PGPEP1L: variants seen among roughly 807,000 people sequenced by gnomAD.
The protein encoded by PGPEP1L is pyroglutamyl-peptidase 1-like protein.
In PGPEP1L, 7 loss-of-function variants were observed where a neutral mutation model predicts 6.0. The observed-to-expected ratio is 1.17, with a 90% confidence interval of 0.66 to 2.19. The LOEUF is 2.19. Among genes scored for constraint, PGPEP1L ranks in the 30% most tolerant of loss-of-function variants. The pLI is 0.00. For synonymous variants in PGPEP1L, 103 were observed against 83.9 expected (o/e 1.23, Z -1.24); for missense variants, 209 against 192.5 (o/e 1.09, Z -0.51).
intron 2 of PGPEP1L, among the ~76,000 whole-genome samples, chr15:99,000,156 C>G (rs1287477711): frequency 2.0e-5 from 3 of 152,250 alleles, no homozygotes; most frequent in Non-Finnish European, 4.4e-5. Context: ...GCCGGCCAGC[C>G]CCGCCGGCCC....
At chr15:98,972,084 G>T (rs1437012799) in intron 2 of PGPEP1L, among the ~76,000 whole-genome samples, 1 of 152,196 alleles carries the variant, frequency 6.6e-6, no homozygotes, top group Admixed American at 6.5e-5. Flanking sequence ...CAGGCATGGT[G>T]GTTCACACCT....
intron 3 of PGPEP1L, 104 bp downstream of exon 3, chr15:98,970,932 G>A (rs1365623798): frequency 1.8e-5 from 27 of 1,506,800 alleles, no homozygotes; most frequent in Admixed American, 1.6e-4. Flanking sequence ...GCCTGGGGAC[G>A]GGGTGCCCCT....
chr15:99,000,269 C>T lies in PGPEP1L; in HGVS notation c.-142+5160G>A, dbSNP rs189142691. The stretch of plus-strand genomic sequence containing the variant: ...CGGGCAGGGCTCAGGACCTGCAGCC[C>T]GCCATGCCGGAGCTCCCCCTCCTCC... On this transcript the variant is annotated intron_variant, in intron 2 of 4. Transcript: ENST00000535714. Among the ~76,000 whole-genome samples, 224 of 152,332 alleles carry T rather than the reference C, an allele frequency of 1.5e-3. 1 individual carries two copies. Among genetic ancestry groups the T allele is most frequent in the African/African-American group, 4.9e-3 (205 of 41,590 alleles).
intron 2 of PGPEP1L, among the ~76,000 whole-genome samples, chr15:98,996,625 ATG>A (rs1555472524): frequency 4.5e-5 from 1 of 22,126 alleles, no homozygotes; most frequent in South Asian, 1.4e-3. Flanking sequence ...GCCTGCGTGT[ATG>A]TGTGTTGTGT....
intron 2 of PGPEP1L, among the ~76,000 whole-genome samples, chr15:98,975,460 C>G (rs1002194529): frequency 6.6e-6 from 1 of 152,098 alleles, no homozygotes; most frequent in Non-Finnish European, 1.5e-5. Flanking sequence ...CAAAATAGCT[C>G]GAAGAGATTT....
chr15:98,996,774 A>G (rs2151764782), intron 2 of PGPEP1L, among the ~76,000 whole-genome samples: 1 of 152,134 alleles, frequency 6.6e-6, no homozygotes, highest in South Asian at 2.1e-4. Flanking sequence ...TATCTTACCT[A>G]GTGATATCTA....
chr15:98,976,096 A>T (rs1490713934), intron 2 of PGPEP1L, among the ~76,000 whole-genome samples: 1 of 152,156 alleles, frequency 6.6e-6, no homozygotes, highest in Non-Finnish European at 1.5e-5. Flanking sequence ...TTGTTAATGA[A>T]CACAGAGTGT....
At chr15:98,993,935 A>T (rs2654970) in intron 2 of PGPEP1L, among the ~76,000 whole-genome samples, 1 of 151,978 alleles carries the variant, frequency 6.6e-6, no homozygotes, top group Non-Finnish European at 1.5e-5. Flanking sequence ...TCTAAAGCTG[A>T]TATCTGGATG....
intron 4 of PGPEP1L, 135 bp downstream of exon 4, chr15:98,969,290 G>A (rs2017453556): frequency 1.9e-6 from 2 of 1,077,338 alleles, no homozygotes; most frequent in Admixed American, 2.0e-5. Flanking sequence ...AGCAAAGAGG[G>A]GCAATCTGGG....
At chr15:99,002,857 T>C (rs1456551734) in intron 2 of PGPEP1L, among the ~76,000 whole-genome samples, 1 of 152,124 alleles carries the variant, frequency 6.6e-6, no homozygotes, top group Non-Finnish European at 1.5e-5. Flanking sequence ...CTGTGACATA[T>C]TTCTCAAGTC....
At chr15:98,992,373 C>T (rs1400201025) in intron 2 of PGPEP1L, among the ~76,000 whole-genome samples, 1 of 152,050 alleles carries the variant, frequency 6.6e-6, no homozygotes, top group Admixed American at 6.6e-5. Flanking sequence ...AATAAAATAC[C>T]TAGGAATACA....
intron 2 of PGPEP1L, among the ~76,000 whole-genome samples, chr15:98,986,965 G>C (rs1381271248): frequency 6.6e-6 from 1 of 151,932 alleles, no homozygotes; most frequent in South Asian, 2.1e-4. Flanking sequence ...TCAGGAGATG[G>C]AGACCAGCCT....
chr15:98,980,951 AATT>A (rs2017650060), intron 2 of PGPEP1L, among the ~76,000 whole-genome samples: 2 of 150,742 alleles, frequency 1.3e-5, no homozygotes, highest in Non-Finnish European at 1.5e-5. Flanking sequence ...AAAAAAAAAA[AATT>A]AACTGTATGG....
intron 2 of PGPEP1L, among the ~76,000 whole-genome samples, chr15:98,999,584 A>T (rs1454188041): frequency 6.6e-6 from 1 of 152,240 alleles, no homozygotes; most frequent in Admixed American, 6.5e-5. Context: ...TTTATCTCAG[A>T]GAAATGAAAA....
At chr15:99,001,843 A>T (rs1311227934) in intron 2 of PGPEP1L, among the ~76,000 whole-genome samples, 3 of 151,886 alleles carry the variant, frequency 2.0e-5, no homozygotes, top group Non-Finnish European at 4.4e-5. Flanking sequence ...TCAGCCTCCT[A>T]AGTAGCTGGG....
chr15:98,991,705 A>G (rs1023441568), intron 2 of PGPEP1L, among the ~76,000 whole-genome samples: 6 of 152,250 alleles, frequency 3.9e-5, no homozygotes, highest in African/African-American at 1.4e-4. Context: ...AAAATCCTCA[A>G]TAAAATACTG....
chr15:98,971,422 A>C (rs1296856405), intron 2 of PGPEP1L, among the ~76,000 whole-genome samples: 1 of 152,122 alleles, frequency 6.6e-6, no homozygotes, highest in Non-Finnish European at 1.5e-5. Context: ...TGAACCTGGG[A>C]GGTGGAGGTT....
chr15:98,983,158 G>GAAAAA (rs555591048), intron 2 of PGPEP1L, among the ~76,000 whole-genome samples: 2 of 75,256 alleles, frequency 2.7e-5, no homozygotes, highest in South Asian at 8.8e-4. Flanking sequence ...GTTCTCTTGG[G>GAAAAA]AAAAAAAAAA....
chr15:98,983,822 TTTC>T (rs1330216054), intron 2 of PGPEP1L, among the ~76,000 whole-genome samples: 2 of 152,152 alleles, frequency 1.3e-5, no homozygotes, highest in Non-Finnish European at 2.9e-5. Flanking sequence ...TGTCTGTATT[TTTC>T]TTCTTTTCAA....
Sources: allele counts gnomAD v4.1 joint callset (sites outside exome capture counted in the v4.1 genomes callset), GRCh38; gene constraint gnomAD v4.1.1; transcripts MANE v1.5; gene names NCBI Gene and HGNC (gene_info 2026-07-23, HGNC 2026-07-21).